The following IPO8 variants were observed in gnomAD, a reference collection of about 807,000 sequenced individuals.
IPO8 encodes the protein importin-8.
In IPO8, 65 loss-of-function variants were observed where a neutral mutation model predicts 141.2. That is an observed-to-expected ratio of 0.46 (90% CI 0.38 to 0.57). The LOEUF (loss-of-function observed/expected upper bound fraction) is 0.57. Ranked by LOEUF, IPO8 falls within the 20% of genes least tolerant of loss-of-function variation. The pLI is 0.00. For missense variants in IPO8, 980 were observed against 1,246.8 expected (o/e 0.79, Z 3.22); for synonymous variants, 411 against 420.3 (o/e 0.98, Z 0.27).
rs140807764 is a variant in IPO8 at position 30,661,143 on chromosome 12, C to G, written c.1879G>C (p.Glu627Gln). Residue 627 changes from glutamate to glutamine, a missense_variant and splice_region_variant, in exon 16 of 25, where the codon GAG becomes CAG. By Grantham distance (29) the Glu-to-Gln change is conservative. Coordinates refer to ENST00000256079, the MANE Select transcript of IPO8 (RefSeq NM_006390.4). ...TILTVVEDHK[E>Q]ITQQLENICL... The stretch of plus-strand genomic sequence containing the variant: ...CATAAACCACAAAGAAATCTCACCT[C>G]TTTATGATCTTCTACAACTGTTAAG... The G allele has an allele frequency of 7.5e-5, 114 of 1,529,174 alleles. No individual in the cohort carries two copies. The African/African-American group carries it at 1.5e-3, about 20-fold the overall frequency. The allele number at this position is 1,529,174 out of a possible 1,614,324, so 94.7% of individuals were successfully genotyped here. A position where few individuals can be genotyped will look rare whatever the true frequency, so the allele number is the denominator to read the frequency against.
rs982393590 is a variant in IPO8 at position 30,638,755 on chromosome 12, C to T, written c.2489+760G>A. On this transcript the variant is annotated intron_variant, in intron 21 of 24. Coordinates refer to ENST00000256079, the MANE Select transcript of IPO8 (RefSeq NM_006390.4). ...GATCTCAGCTCACTGCAAGCTCCGC[C>T]TCCCAGGTTCATGCCATTCTCCTGC... is the stretch of plus-strand genomic sequence containing the variant. 1.8e-4 allele frequency among the ~76,000 whole-genome samples: 27 copies of T among 152,098 alleles called. 1 individual carries two copies. Among genetic ancestry groups the T allele is most frequent in the Admixed American group, 1.4e-3 (21 of 15,260 alleles).
At chr12:30,691,430 C>T (rs2053290028) in intron 1 of IPO8, among the ~76,000 whole-genome samples, 1 of 152,186 alleles carries the variant, frequency 6.6e-6, no homozygotes, top group African/African-American at 2.4e-5. Context: ...CTTCACCCCA[C>T]AGGTGTGCTC....
intron 13 of IPO8, among the ~76,000 whole-genome samples, chr12:30,664,884 C>T (rs952947158): frequency 3.9e-5 from 6 of 152,124 alleles, no homozygotes; most frequent in African/African-American, 9.7e-5. Context: ...GGATAACAGG[C>T]GCCTGCCATG....
intron 10 of IPO8, 150 bp downstream of exon 10, chr12:30,669,033 T>C: frequency 2.0e-6 from 1 of 491,322 alleles, no homozygotes; most frequent in South Asian, 3.9e-5. Flanking sequence ...TTCAACAAAA[T>C]AACATCAAAC....
rs2053012954 is a variant in IPO8 at position 30,669,238 on chromosome 12, A to T, written c.1089T>A (p.Asp363Glu). 6.3e-7 allele frequency: 1 copy of T among 1,594,798 alleles called. No individual in the cohort carries two copies. The highest frequency in any genetic ancestry group is 2.2e-5 in the East Asian group (1 of 44,692). ...DVIFSVMCYKDEDEELWQEDP... is the reference protein window; with the variant it reads ...DVIFSVMCYKEEDEELWQEDP... The stretch of plus-strand genomic sequence containing the variant: ...CTTCTTGCCACAGCTCTTCATCCTC[A>T]TCTTTATAACACATCACAGAAAAAA... Residue 363 changes from aspartate to glutamate, a missense_variant, in exon 10 of 25, where the codon GAT (aspartate) becomes GAA (glutamate). Around this residue, in one of 3 missense-constraint regions of IPO8, gnomAD observed 924 missense variants for 1,153.9 expected, o/e 0.80. Coordinates refer to ENST00000256079, the MANE Select transcript of IPO8 (RefSeq NM_006390.4).
At chr12:30,675,621 A>G (rs1172983266) in intron 6 of IPO8, among the ~76,000 whole-genome samples, 3 of 151,556 alleles carry the variant, frequency 2.0e-5, no homozygotes, top group Non-Finnish European at 4.4e-5. Flanking sequence ...AGGTCAGGAG[A>G]TCGAGACCAT....
intron 1 of IPO8, among the ~76,000 whole-genome samples, chr12:30,692,136 T>C (rs993514886): frequency 2.3e-4 from 35 of 152,350 alleles, no homozygotes; most frequent in Middle Eastern, 3.4e-3. Flanking sequence ...GAATCAAAGA[T>C]TAAAACATCT....
chr12:30,668,505 C>G (rs7315693), intron 10 of IPO8, among the ~76,000 whole-genome samples: 81,716 of 152,088 alleles, frequency 0.54, 22,449 homozygotes, highest in African/African-American at 0.64. Flanking sequence ...GTAGAAGAGA[C>G]AGAAAATGCA....
Position 30,695,486 on chromosome 12 carries a change from C to A in IPO8, c.84+78G>T, listed in dbSNP as rs1473005995. The A allele has an allele frequency of 1.5e-5, 19 of 1,283,832 alleles. No homozygotes were observed. The East Asian group carries it at 4.5e-4, about 30-fold the overall frequency. 79.5% of individuals were successfully genotyped at this position (1,283,832 alleles called of 1,614,324 possible). The stretch of plus-strand genomic sequence containing the variant: ...GCCCGGTGGGGGTGAGGACGAGGGG[C>A]GCCGGGGAGAGGGAGCCCGGCCAGC... On this transcript the variant is annotated intron_variant, in intron 1 of 24. Transcript: ENST00000256079. The surrounding 1 kb of genome is among the most constrained non-coding windows in gnomAD (Gnocchi z 4.2).
At chr12:30,661,485 A>G (rs1383439796) in intron 15 of IPO8, among the ~76,000 whole-genome samples, 1 of 152,168 alleles carries the variant, frequency 6.6e-6, no homozygotes, top group Admixed American at 6.5e-5. Context: ...CAGAGAGCTA[A>G]TATTTAACTT....
chr12:30,681,445 A>G (rs1012642494), intron 4 of IPO8, among the ~76,000 whole-genome samples: 4 of 152,350 alleles, frequency 2.6e-5, no homozygotes, highest in East Asian at 1.9e-4. Flanking sequence ...GCTTCATATT[A>G]TATCACTGTC....
At chr12:30,637,449 T>C (rs2052518291) in intron 21 of IPO8, among the ~76,000 whole-genome samples, 1 of 152,156 alleles carries the variant, frequency 6.6e-6, no homozygotes, top group South Asian at 2.1e-4. Context: ...AATATAAATG[T>C]TATATATGGG....
chr12:30,660,866 T>C (rs2052874698), intron 16 of IPO8, among the ~76,000 whole-genome samples: 1 of 151,860 alleles, frequency 6.6e-6, no homozygotes, highest in Admixed American at 6.6e-5. Flanking sequence ...GCCTGGCACA[T>C]AGCAGATATG....
Position 30,663,544 on chromosome 12 carries a change from A to G in IPO8, c.1539T>C (p.Pro513=), listed in dbSNP as rs999987975. ...KKSLIEDKEM[P]VKVEAALALQ... is the part of the protein sequence containing the mutation. ...GAGCAAGGGCAGCTTCAACTTTGAC[A>G]GGCATCTCTTTATCTTCAATCAGGC... The change falls in exon 14 of 25, where the codon CCT becomes CCC. Residue 513 remains proline (P), a synonymous_variant. Transcript: ENST00000256079. 6.8e-6 allele frequency: 11 copies of G among 1,613,864 alleles called. No homozygotes were observed. In the Admixed American group the frequency reaches 1.8e-4, roughly 27 times the overall value.
At chr12:30,672,145 C>T (rs1453411666) in intron 8 of IPO8, among the ~76,000 whole-genome samples, 4 of 152,154 alleles carry the variant, frequency 2.6e-5, no homozygotes, top group African/African-American at 9.7e-5. Context: ...TTCTTCACTA[C>T]AGTAAGTTGC....
intron 16 of IPO8, among the ~76,000 whole-genome samples, chr12:30,657,934 G>A (rs2052824276): frequency 6.6e-6 from 1 of 152,234 alleles, no homozygotes; most frequent in Admixed American, 6.5e-5. Context: ...GCTGCTTCCA[G>A]AGAGGAGAAT....
chr12:30,675,360 T>C (rs7966063), intron 6 of IPO8, among the ~76,000 whole-genome samples: 32,497 of 152,158 alleles, frequency 0.21, 3,620 homozygotes, highest in East Asian at 0.3. Flanking sequence ...AAAGTGTAAC[T>C]GAGGGCACAC....
intron 19 of IPO8, among the ~76,000 whole-genome samples, chr12:30,651,305 T>C (rs750043063): frequency 2.6e-5 from 4 of 152,144 alleles, no homozygotes; most frequent in Admixed American, 2.0e-4. Flanking sequence ...AGCAGCTTAC[T>C]GACTTCCCAA....
chr12:30,634,246 A>T lies in IPO8; in HGVS notation c.2736T>A (p.Ala912=), dbSNP rs762348334. Residue 912 remains alanine (A), a synonymous_variant, in exon 23 of 25, where the codon GCT becomes GCA. Transcript: ENST00000256079. ...TTCCATTATTTGACTGCATTGCTTG[A>T]GCAGTTACATTTGTCTCCTCTTCAT... The part of the protein sequence containing the change: ...SSDEEETNVT[A]QAMQSNNGRG... 1.9e-6 allele frequency: 3 copies of T among 1,613,716 alleles called. No individual in the cohort carries two copies. The highest frequency in any genetic ancestry group is 2.5e-6 in the Non-Finnish European group (3 of 1,179,794).
Sources: allele counts gnomAD v4.1 joint callset (sites outside exome capture counted in the v4.1 genomes callset), GRCh38; gene constraint gnomAD v4.1.1; regional missense constraint gnomAD v4.1.1; non-coding constraint Gnocchi (gnomAD v3.1); transcripts MANE v1.5; gene names NCBI Gene and HGNC (gene_info 2026-07-23, HGNC 2026-07-21).